The following STK10 variants were observed in gnomAD, a reference collection of about 807,000 sequenced individuals.
STK10 encodes serine/threonine kinase 10.
A neutral mutation model predicts 113.8 loss-of-function variants in STK10; 78 were observed. That is an observed-to-expected ratio of 0.69 (90% CI 0.57 to 0.83). The LOEUF (loss-of-function observed/expected upper bound fraction) is 0.83. Ranked by LOEUF, STK10 falls within the 40% of genes least tolerant of loss-of-function variation. STK10 has a pLI of 0.00. For synonymous variants in STK10, 465 were observed against 494.7 expected (o/e 0.94, Z 0.80); for missense variants, 1,109 against 1,280.1 (o/e 0.87, Z 2.04).
intron 4 of STK10, chr5:172,108,100 C>G (rs1769156865): frequency 7.5e-6 from 3 of 402,428 alleles, no homozygotes; most frequent in Admixed American, 4.2e-5. Context: ...CAATAAATAG[C>G]AAGAACCTTT....
At chr5:172,124,403 G>C (rs1769577429) in intron 3 of STK10, among the ~76,000 whole-genome samples, 1 of 152,054 alleles carries the variant, frequency 6.6e-6, no homozygotes, top group Non-Finnish European at 1.5e-5. Context: ...ATTCATACCA[G>C]ACTATCACTT....
Position 172,093,285 on chromosome 5 carries a change from C to A in STK10, c.1554+127G>T. On this transcript the variant is annotated intron_variant, in intron 9 of 18. Transcript: ENST00000176763. The surrounding 1 kb of genome is among the most constrained non-coding windows in gnomAD (Gnocchi z 4.1). ...TTTGGAGATTAAACTATGAGTCAAACCCAAAACCCCCTAATGAACCACTTA... is the reference window on the plus strand; with the variant it reads ...TTTGGAGATTAAACTATGAGTCAAAACCAAAACCCCCTAATGAACCACTTA... 1 of 1,030,370 alleles carries A rather than the reference C, an allele frequency of 9.7e-7. No individual in the cohort carries two copies. Among genetic ancestry groups the A allele is most frequent in the Non-Finnish European group, 1.4e-6 (1 of 712,232 alleles). 63.8% of individuals were successfully genotyped at this position (1,030,370 alleles called of 1,614,324 possible).
At chr5:172,077,845 C>T (rs759639295) in intron 12 of STK10, among the ~76,000 whole-genome samples, 4 of 151,982 alleles carry the variant, frequency 2.6e-5, no homozygotes, top group Non-Finnish European at 5.9e-5. Flanking sequence ...ACAGGGTACA[C>T]ACTTCCTTGC....
intron 9 of STK10, among the ~76,000 whole-genome samples, chr5:172,091,913 C>T (rs141175994): frequency 0.01 from 1,538 of 152,312 alleles, 28 homozygotes; most frequent in African/African-American, 0.034. Flanking sequence ...GAGGAGCCAG[C>T]GTGGCAGGTC....
intron 2 of STK10, among the ~76,000 whole-genome samples, chr5:172,155,359 G>C (rs999257177): frequency 6.6e-6 from 1 of 151,972 alleles, no homozygotes. Flanking sequence ...GCAGCCAGGC[G>C]TGGTGGCATG....
In STK10 at chr5:172,061,204, T is replaced by TC. The variant is rs933348797; in HGVS notation, c.2146dup (p.Asp716GlyfsTer8). 6 of 1,613,478 alleles carry TC rather than the reference T, an allele frequency of 3.7e-6. No individual in the cohort carries two copies. In the African/African-American group the frequency reaches 8.0e-5, roughly 22 times the overall value. On this transcript the variant is annotated frameshift_variant, in exon 14 of 19. Transcript: ENST00000176763. LOFTEE classifies it high-confidence loss of function. ...CTTGTCACAGATCTCCCGCCTGTTG[T>TC]CGGTGGTGAGCCTCTTCATGGCCAG... is the stretch of plus-strand genomic sequence containing the variant.
intron 2 of STK10, among the ~76,000 whole-genome samples, chr5:172,144,527 G>A (rs1373193183): frequency 6.6e-6 from 1 of 152,128 alleles, no homozygotes; most frequent in Non-Finnish European, 1.5e-5. Flanking sequence ...TGCTGTGGGT[G>A]GAGTCCCAGA....
At chr5:172,137,891 C>CA (rs34136706) in intron 2 of STK10, among the ~76,000 whole-genome samples, 14,968 of 78,264 alleles carry the variant, frequency 0.19, 2,008 homozygotes, top group African/African-American at 0.39. Context: ...GACTCTGTCT[C>CA]AAAAAAAAAA....
At chr5:172,115,444 C>T (rs1051901026) in intron 4 of STK10, among the ~76,000 whole-genome samples, 1 of 152,018 alleles carries the variant, frequency 6.6e-6, no homozygotes, top group African/African-American at 2.4e-5. Context: ...GCCAGGGATA[C>T]GGTCCTGGCA....
Position 172,082,892 on chromosome 5 carries a change from T to C in STK10, c.1809+69A>G, listed in dbSNP as rs559844034. 1.3e-5 allele frequency: 20 copies of C among 1,590,710 alleles called. No homozygotes were observed. The highest frequency in any genetic ancestry group is 1.1e-4 in the East Asian group (5 of 44,564). On this transcript the variant is annotated intron_variant, in intron 11 of 18. Transcript: ENST00000176763. The surrounding 1 kb of genome is among the most constrained non-coding windows in gnomAD (Gnocchi z 4.3). ...CTCCACTACCCAATCATTCCCACTA[T>C]GTAGCTTCCACTGAGAGAACACCTG...
intron 3 of STK10, among the ~76,000 whole-genome samples, chr5:172,121,754 G>A (rs1769516153): frequency 6.6e-6 from 1 of 152,018 alleles, no homozygotes; most frequent in East Asian, 1.9e-4. Context: ...TTTGGAGACA[G>A]AGTCTTACTA....
chr5:172,071,204 C>T (rs1303349550), intron 12 of STK10, among the ~76,000 whole-genome samples: 3 of 85,166 alleles, frequency 3.5e-5, no homozygotes, highest in Non-Finnish European at 6.1e-5. Context: ...GTGAGACGCT[C>T]TCTATCTCAA....
Position 172,083,094 on chromosome 5 carries a change from T to G in STK10, c.1686-10A>C. On this transcript the variant is annotated splice_polypyrimidine_tract_variant and intron_variant, in intron 10 of 18. Transcript: ENST00000176763. ...TCGGAGTTCCTGGCGCCTGAAAGGT[T>G]AAAGGATACAGATATTTCACAGTAA... The G allele has an allele frequency of 6.2e-7, 1 of 1,613,994 alleles. No individual in the cohort carries two copies. Among genetic ancestry groups the G allele is most frequent in the Non-Finnish European group, 8.5e-7 (1 of 1,179,996 alleles).
At position 172,093,937 on chromosome 5, in the gene STK10, G is replaced by T. The variant is rs754036380; in HGVS notation, c.1029C>A (p.Asn343Lys). Residue 343 changes from asparagine to lysine, a missense_variant, in exon 9 of 19, where the codon AAC (asparagine) becomes AAA (lysine). Asn to Lys is a moderately conservative substitution (Grantham distance 94). Coordinates refer to ENST00000176763, the MANE Select transcript of STK10 (RefSeq NM_005990.4). The surrounding 1 kb of genome is among the most constrained non-coding windows in gnomAD (Gnocchi z 4.1). ...GGCTTGGCGGACTCACCTCAGAGGA[G>T]TTCTGAGTATGGTTCTCCAGGGTCT... ...AASTLENHTQ[N>K]SSEVSPPSLN... 7.3e-6 allele frequency: 11 copies of T among 1,505,404 alleles called. No individual in the cohort carries two copies. The highest frequency in any genetic ancestry group is 1.8e-6 in the Non-Finnish European group (2 of 1,126,296). The allele number at this position is 1,505,404 out of a possible 1,614,324, so 93.3% of individuals were successfully genotyped here.
rs368554001 is a variant in STK10, at chr5:172,045,675, T to C, written c.2767-653A>G. 1.1e-4 allele frequency among the ~76,000 whole-genome samples: 16 copies of C among 152,138 alleles called. 1 individual carries two copies. The highest frequency in any genetic ancestry group is 7.2e-4 in the Admixed American group (11 of 15,284). On this transcript the variant is annotated intron_variant, in intron 18 of 18. Transcript: ENST00000176763. Reference sequence around the variant, plus strand: ...GCACAAGCAAGTTTATCTAGGTAAATTGGATCCTACCAGAAATATTTTTCT... The same window carrying C: ...GCACAAGCAAGTTTATCTAGGTAAACTGGATCCTACCAGAAATATTTTTCT...
At chr5:172,159,256 ATGGCCAGGCACGG>A (rs1770415260) in intron 1 of STK10, among the ~76,000 whole-genome samples, 1 of 152,182 alleles carries the variant, frequency 6.6e-6, no homozygotes, top group Non-Finnish European at 1.5e-5. Context: ...ACAAGTACAC[ATGGCCAGGCACGG>A]TGGCTCACGC....
Position 172,093,954 on chromosome 5 carries a change from C to G in STK10, c.1012G>C (p.Glu338Gln), listed in dbSNP as rs765894340. The change falls in exon 9 of 19, where the codon GAG becomes CAG. Residue 338 changes from glutamate (E) to glutamine (Q), a missense_variant. Glu to Gln is a conservative substitution (Grantham distance 29). This residue lies in a region of STK10 where 885 missense variants were observed against 991.1 expected (regional missense o/e 0.89). Coordinates refer to ENST00000176763, the MANE Select transcript of STK10 (RefSeq NM_005990.4). This position sits in a 1 kb window ranked among gnomAD's most constrained non-coding sequence, Gnocchi z 4.1. The part of the protein sequence containing the change: ...EDAVDAASTL[E>Q]NHTQNSSEVS... ...TCAGAGGAGTTCTGAGTATGGTTCT[C>G]CAGGGTCTAGAAAAATATATATATA... 1 of 1,484,404 alleles carries G rather than the reference C, an allele frequency of 6.7e-7. No individual in the cohort carries two copies. Among genetic ancestry groups the G allele is most frequent in the Admixed American group, 2.3e-5 (1 of 43,030 alleles). The allele number at this position is 1,484,404 out of a possible 1,614,324, so 92.0% of individuals were successfully genotyped here. A position where few individuals can be genotyped will look rare whatever the true frequency, so the allele number is the denominator to read the frequency against.
At chr5:172,064,908 A>G (rs1202587674) in intron 12 of STK10, 96 bp from the exon 13 acceptor site, 3 of 1,376,792 alleles carry the variant, frequency 2.2e-6, no homozygotes, top group Non-Finnish European at 3.0e-6. Context: ...CAGAGAAACC[A>G]AAGAAGAGGC....
chr5:172,090,674 C>A (rs560230561), intron 9 of STK10, among the ~76,000 whole-genome samples: 1 of 151,902 alleles, frequency 6.6e-6, no homozygotes, highest in African/African-American at 2.4e-5. Context: ...CGGTGGCTTA[C>A]GCTTGTAATC....
Sources: gnomAD v4.1 joint callset for allele counts (sites outside exome capture counted in the v4.1 genomes callset) on GRCh38, gnomAD v4.1.1 for gene constraint, gnomAD v4.1.1 regional missense constraint, Gnocchi (gnomAD v3.1) non-coding constraint, MANE v1.5 for transcripts, NCBI Gene and HGNC (gene_info 2026-07-23, HGNC 2026-07-21) for gene names.